The following ZNF385D variants were observed in gnomAD, a reference collection of about 807,000 sequenced individuals.
The protein encoded by ZNF385D is zinc finger protein 659.
A neutral mutation model predicts 35.8 loss-of-function variants in ZNF385D; 15 were observed. The ratio of observed to expected loss-of-function variants is 0.42; its 90% confidence interval spans 0.28 to 0.64. ZNF385D has a LOEUF of 0.64. Among genes scored for constraint, ZNF385D ranks in the 30% least tolerant of loss-of-function variants. The probability of loss-of-function intolerance (pLI) is 0.23; values close to 1 mark genes in which losing one functional copy is unlikely to be tolerated. For missense variants in ZNF385D, 474 were observed against 494.6 expected, an observed-to-expected ratio of 0.96 and a Z score of 0.39; for synonymous variants, 212 against 186.8, an observed-to-expected ratio of 1.13 and a Z score of -1.10.
intron 3 of ZNF385D, among the ~76,000 whole-genome samples, chr3:21,806,489 G>A (rs1170541329): frequency 6.6e-6 from 1 of 152,086 alleles, no homozygotes; most frequent in Non-Finnish European, 1.5e-5. Context: ...ACAGGCGTGA[G>A]CCACCGCGCC....
At chr3:22,109,957 C>A (rs1702424274) in intron 3 of ZNF385D, among the ~76,000 whole-genome samples, 1 of 152,094 alleles carries the variant, frequency 6.6e-6, no homozygotes, top group Non-Finnish European at 1.5e-5. Flanking sequence ...AAAAAACAAA[C>A]CCATCAACAA....
intron 3 of ZNF385D, among the ~76,000 whole-genome samples, chr3:21,559,005 T>TTG (rs2125627761): frequency 6.6e-6 from 1 of 150,656 alleles, no homozygotes; most frequent in African/African-American, 2.4e-5. Context: ...TTTTTTTTTT[T>TTG]GCTGTCCATT....
chr3:22,226,203 T>A (rs1576525785), intron 2 of ZNF385D, among the ~76,000 whole-genome samples: 1 of 151,030 alleles, frequency 6.6e-6, no homozygotes, highest in African/African-American at 2.4e-5. Context: ...ATATAAAAAA[T>A]ATCCTCAATT....
chr3:21,957,793 T>C (rs1702369275), intron 3 of ZNF385D, among the ~76,000 whole-genome samples: 1 of 152,130 alleles, frequency 6.6e-6, no homozygotes, highest in South Asian at 2.1e-4. Flanking sequence ...ACATTTTGCT[T>C]TGACTTTTTC....
chr3:21,460,306 T>A (rs1446407620), intron 4 of ZNF385D, among the ~76,000 whole-genome samples: 2 of 152,202 alleles, frequency 1.3e-5, no homozygotes, highest in African/African-American at 4.8e-5. Flanking sequence ...CTGCTTAAAA[T>A]TCAGATTCCC....
chr3:22,195,236 CTTT>C (rs1201161291), intron 2 of ZNF385D, among the ~76,000 whole-genome samples: 3 of 151,934 alleles, frequency 2.0e-5, no homozygotes, highest in African/African-American at 7.2e-5. Context: ...ATATTGAACA[CTTT>C]TTTTCTTAAC....
intron 2 of ZNF385D, among the ~76,000 whole-genome samples, chr3:22,368,374 G>T (rs1226379456): frequency 6.6e-6 from 1 of 152,182 alleles, no homozygotes; most frequent in Non-Finnish European, 1.5e-5. Context: ...TAAAGGCCTT[G>T]TAAAATAATT....
At chr3:21,645,551 G>T (rs139968149) in intron 2 of ZNF385D, among the ~76,000 whole-genome samples, 1 of 152,288 alleles carries the variant, frequency 6.6e-6, no homozygotes, top group East Asian at 1.9e-4. Flanking sequence ...AAGCTGGGCT[G>T]GGAATTTGAG....
At chr3:22,156,018 A>G (rs187727587) in intron 3 of ZNF385D, among the ~76,000 whole-genome samples, 55 of 152,242 alleles carry the variant, frequency 3.6e-4, no homozygotes, top group African/African-American at 1.3e-3. Context: ...AGCTTGTCCC[A>G]GTAACTCCCA....
chr3:22,146,314 A>C (rs1704849392), intron 3 of ZNF385D, among the ~76,000 whole-genome samples: 1 of 152,184 alleles, frequency 6.6e-6, no homozygotes, highest in Non-Finnish European at 1.5e-5. Context: ...TTAATTAAGC[A>C]CGCTAAAATT....
intron 2 of ZNF385D, among the ~76,000 whole-genome samples, chr3:22,220,271 C>G (rs1376756225): frequency 6.6e-6 from 1 of 151,960 alleles, no homozygotes; most frequent in Non-Finnish European, 1.5e-5. Context: ...CACTATGTTG[C>G]CCAGACTGGT....
chr3:22,305,994 T>C (rs1479160492), intron 2 of ZNF385D, among the ~76,000 whole-genome samples: 1 of 152,138 alleles, frequency 6.6e-6, no homozygotes, highest in Non-Finnish European at 1.5e-5. Context: ...TTCCTATCAC[T>C]CCTTTTAGCT....
chr3:21,494,105 A>G (rs1705637945), intron 4 of ZNF385D, among the ~76,000 whole-genome samples: 1 of 152,160 alleles, frequency 6.6e-6, no homozygotes, highest in African/African-American at 2.4e-5. Flanking sequence ...ATCCAAAATT[A>G]TCTACTATAA....
At chr3:21,671,074 A>G (rs1222667973) in intron 1 of ZNF385D, among the ~76,000 whole-genome samples, 1 of 152,022 alleles carries the variant, frequency 6.6e-6, no homozygotes, top group Non-Finnish European at 1.5e-5. Context: ...GGAGAGGCAT[A>G]AAGCTCAGTT....
intron 2 of ZNF385D, among the ~76,000 whole-genome samples, chr3:21,615,447 ATAC>A (rs1485000540): frequency 6.6e-6 from 1 of 152,206 alleles, no homozygotes; most frequent in African/African-American, 2.4e-5. Flanking sequence ...AACACAAAAT[ATAC>A]TAATAACAGT....
At chr3:22,268,750 T>A (rs901602933) in intron 2 of ZNF385D, among the ~76,000 whole-genome samples, 2 of 152,026 alleles carry the variant, frequency 1.3e-5, no homozygotes, top group Non-Finnish European at 2.9e-5. Flanking sequence ...AAAGTATGCA[T>A]GTAAGTGAAA....
chr3:22,252,652 G>T (rs890073359), intron 2 of ZNF385D, among the ~76,000 whole-genome samples: 3 of 152,174 alleles, frequency 2.0e-5, no homozygotes, highest in Admixed American at 6.6e-5. Context: ...AGGCTGCATC[G>T]ATAGAGAAGC....
At chr3:21,777,680 A>C (rs13319003) in intron 3 of ZNF385D, 2,999 of 152,034 alleles carry the variant, frequency 0.02, 89 homozygotes, top group African/African-American at 0.067. Flanking sequence ...GCCCTCTGCC[A>C]TGCAACTTTG....
chr3:22,041,412 C>G (rs1698655858), intron 3 of ZNF385D, among the ~76,000 whole-genome samples: 1 of 152,106 alleles, frequency 6.6e-6, no homozygotes, highest in Admixed American at 6.6e-5. Context: ...CAAAGAAAAT[C>G]AGTCAGAAAT....
Sources: gnomAD v4.1 joint callset for allele counts (sites outside exome capture counted in the v4.1 genomes callset) on GRCh38, gnomAD v4.1.1 for gene constraint, MANE v1.5 for transcripts, NCBI Gene and HGNC (gene_info 2026-07-23, HGNC 2026-07-21) for gene names.